Variants in CTCFL observed in about 807,000 individuals in gnomAD.
CTCFL encodes the protein CCCTC-binding factor like, also known as transcriptional repressor CTCFL.
CTCFL carries 36 observed loss-of-function variants against 67.4 expected under a neutral mutation model. The ratio of observed to expected loss-of-function variants is 0.53; its 90% CI spans 0.41 to 0.71. The LOEUF (loss-of-function observed/expected upper bound fraction) is 0.71. Among genes scored for constraint, CTCFL ranks in the 30% least tolerant of loss-of-function variants. The pLI is 0.00. For synonymous variants in CTCFL, 324 were observed against 302.3 expected (o/e 1.07, Z -0.75); for missense variants, 786 against 835.2 (o/e 0.94, Z 0.73).
intron 9 of CTCFL, chr20:57,506,929 T>G (rs1436185688): frequency 2.0e-6 from 2 of 985,278 alleles, no homozygotes; most frequent in Admixed American, 1.2e-4. Flanking sequence ...ACTATCCCAC[T>G]GTGCTACTCA....
chr20:57,521,832 G>GT (rs1377619313), intron 3 of CTCFL, among the ~76,000 whole-genome samples: 1 of 152,186 alleles, frequency 6.6e-6, no homozygotes, highest in Non-Finnish European at 1.5e-5. Context: ...AAGGCACATG[G>GT]TATACATATA....
rs1347730738 is a variant in CTCFL at position 57,497,852 on chromosome 20, A to G, written c.*698T>C. ...AAGGAGCATAATTAAAAGAGAATAC[A>G]AAAATCTAAAGGTGAACCTTGCTCC... On this transcript the variant is annotated 3_prime_UTR_variant, in exon 11 of 11. Transcript: ENST00000243914. The G allele has an allele frequency of 1.0e-6, 1 of 984,812 alleles. No individual in the cohort carries two copies. The highest frequency in any genetic ancestry group is 1.2e-6 in the Non-Finnish European group (1 of 829,474). 61.0% of individuals were successfully genotyped at this position (984,812 alleles called of 1,614,324 possible).
Position 57,498,524 on chromosome 20 carries a change from C to T in CTCFL, c.*26G>A. On this transcript the variant is annotated 3_prime_UTR_variant, in exon 11 of 11. Coordinates refer to ENST00000243914, the MANE Select transcript of CTCFL (RefSeq NM_001386993.1). ...TCTAACTTGCTTTAGGAATTGGGGG[C>T]AGTGAACACGCAACCCGAATCCCTC... 4 of 1,600,828 alleles carry T rather than the reference C, an allele frequency of 2.5e-6. No individual in the cohort carries two copies. The highest frequency in any genetic ancestry group is 3.4e-6 in the Non-Finnish European group (4 of 1,171,646).
intron 7 of CTCFL, chr20:57,514,010 TC>T: frequency 1.4e-6 from 1 of 696,956 alleles, no homozygotes; most frequent in Non-Finnish European, 2.1e-6. Flanking sequence ...GGATTCCCTC[TC>T]CCACTCTGTG....
chr20:57,505,405 G>A (rs918441452), intron 9 of CTCFL, among the ~76,000 whole-genome samples: 2 of 151,756 alleles, frequency 1.3e-5, no homozygotes, highest in Middle Eastern at 3.4e-3. Flanking sequence ...ACAGGCATGT[G>A]CCACCACGCC....
chr20:57,506,802 T>C, intron 9 of CTCFL: 1 of 985,270 alleles, frequency 1.0e-6, no homozygotes, highest in Non-Finnish European at 1.2e-6. Context: ...TTTTTTCTCT[T>C]TAGAATTCTA....
rs748979103 is a variant in CTCFL at position 57,524,100 on chromosome 20, A to T, written c.106T>A (p.Cys36Ser). 6.2e-7 allele frequency: 1 copy of T among 1,613,536 alleles called. No individual in the cohort carries two copies. The highest frequency in any genetic ancestry group is 8.5e-7 in the Non-Finnish European group (1 of 1,179,986). The change falls in exon 2 of 11, where the codon TGC becomes AGC. Residue 36 changes from cysteine to serine, a missense_variant. Around this residue, in one of 3 missense-constraint regions of CTCFL, gnomAD observed 333 missense variants for 304.6 expected, o/e 1.09. Coordinates refer to ENST00000243914, the MANE Select transcript of CTCFL (RefSeq NM_001386993.1). ...GLKEEEKDGV[C>S]REKDHRSPSE... ...GGGCTCCGATGGTCTTTCTCTCTGC[A>T]CACTCCGTCTTTTTCCTCCTCCTTC...
chr20:57,507,001 G>T, intron 9 of CTCFL: 1 of 984,998 alleles, frequency 1.0e-6, no homozygotes, highest in Non-Finnish European at 1.2e-6. Flanking sequence ...GTCAACTTCA[G>T]GAAATTCAAC....
Position 57,498,202 on chromosome 20 carries a change from T to C in CTCFL, c.*348A>G, listed in dbSNP as rs1368706984. The C allele has an allele frequency of 8.0e-6, 8 of 1,002,880 alleles. No homozygotes were observed. The highest frequency in any genetic ancestry group is 9.5e-6 in the Non-Finnish European group (8 of 841,320). 62.1% of individuals were successfully genotyped at this position (1,002,880 alleles called of 1,614,324 possible). A position where few individuals can be genotyped will look rare whatever the true frequency, so the allele number is the denominator to read the frequency against. The stretch of plus-strand genomic sequence containing the variant: ...CACTACTCACTCATTGTGGGCCACC[T>C]TGCCAATATCAAGTGAATGAATCCA... On this transcript the variant is annotated 3_prime_UTR_variant, in exon 11 of 11. Transcript: ENST00000243914.
At chr20:57,502,820 T>C (rs549492335) in intron 10 of CTCFL, among the ~76,000 whole-genome samples, 18 of 152,352 alleles carry the variant, frequency 1.2e-4, no homozygotes, top group African/African-American at 4.3e-4. Context: ...GATATGTCCA[T>C]ATCCTAAGCC....
intron 1 of CTCFL, chr20:57,524,767 T>C: frequency 1.0e-6 from 1 of 987,450 alleles, no homozygotes; most frequent in Non-Finnish European, 1.2e-6. Context: ...CAGGCAGGCT[T>C]TGGGCCTAGT....
chr20:57,499,507 T>C, intron 10 of CTCFL: 1 of 154,168 alleles, frequency 6.5e-6, no homozygotes, highest in Non-Finnish European at 1.4e-5. Flanking sequence ...AAGACAATTT[T>C]TCCATGGACT....
chr20:57,503,714 C>G (rs980876205), intron 9 of CTCFL, 113 bp from the exon 10 acceptor site: 1 of 1,131,284 alleles, frequency 8.8e-7, no homozygotes, highest in Admixed American at 2.3e-5. Flanking sequence ...TGAGTTCTTT[C>G]GAGGGCAATT....
chr20:57,516,773 T>C (rs2068953552), intron 5 of CTCFL, among the ~76,000 whole-genome samples: 2 of 152,256 alleles, frequency 1.3e-5, no homozygotes, highest in South Asian at 4.1e-4. Flanking sequence ...AGTAATTATG[T>C]ATCCCAGGCA....
In CTCFL at chr20:57,523,977, T is replaced by C; in HGVS notation, c.229A>G (p.Lys77Glu). 1 of 1,613,156 alleles carries C rather than the reference T, an allele frequency of 6.2e-7. No homozygotes were observed. The highest frequency in any genetic ancestry group is 8.5e-7 in the Non-Finnish European group (1 of 1,179,996). ...LVLAPSEESE[K>E]YILTLQTVHF... ...ACCGTCTGCAGGGTCAGGATGTACT[T>C]CTCGCTCTCCTCCGAGGGGGCCAGC... The change falls in exon 2 of 11, where the codon AAG becomes GAG. Residue 77 changes from lysine to glutamate, a missense_variant. Physicochemically the swap from Lys to Glu is moderately conservative, Grantham distance 56. This residue lies in a region of CTCFL where 333 missense variants were observed against 304.6 expected (regional missense o/e 1.09). Coordinates refer to ENST00000243914, the MANE Select transcript of CTCFL (RefSeq NM_001386993.1).
intron 3 of CTCFL, among the ~76,000 whole-genome samples, chr20:57,520,677 CA>C (rs1408046519): frequency 1.3e-5 from 2 of 152,164 alleles, no homozygotes; most frequent in Non-Finnish European, 2.9e-5. Flanking sequence ...AACAACAACA[CA>C]AGATCATCTC....
chr20:57,523,351 C>T (rs1043833534), intron 2 of CTCFL, 73 bp from the exon 3 acceptor site: 7 of 1,391,174 alleles, frequency 5.0e-6, no homozygotes, highest in Non-Finnish European at 2.0e-6. Context: ...GGATGAAGCA[C>T]AGAATACAAA....
intron 9 of CTCFL, among the ~76,000 whole-genome samples, chr20:57,504,970 T>C (rs2068118395): frequency 6.6e-6 from 1 of 151,894 alleles, no homozygotes; most frequent in Admixed American, 6.6e-5. Context: ...AATAAACTCC[T>C]GCTGCAAACT....
chr20:57,521,951 C>A (rs114212119), intron 3 of CTCFL, among the ~76,000 whole-genome samples: 1 of 152,142 alleles, frequency 6.6e-6, no homozygotes, highest in Non-Finnish European at 1.5e-5. Context: ...ACTGCCTAAT[C>A]GGTACAGGCC....
Sources: gnomAD v4.1 joint callset for allele counts (sites outside exome capture counted in the v4.1 genomes callset) on GRCh38, gnomAD v4.1.1 for gene constraint, gnomAD v4.1.1 regional missense constraint, MANE v1.5 for transcripts, NCBI Gene and HGNC (gene_info 2026-07-23, HGNC 2026-07-21) for gene names.